Variants in ABLIM3 observed in about 807,000 individuals in gnomAD.
The protein encoded by ABLIM3 is actin binding LIM protein family member 3.
A neutral mutation model predicts 109.5 loss-of-function variants in ABLIM3; 61 were observed. The ratio of observed to expected loss-of-function variants is 0.56; its 90% CI spans 0.45 to 0.69. The LOEUF (loss-of-function observed/expected upper bound fraction) is 0.69. Among genes scored for constraint, ABLIM3 ranks in the 30% least tolerant of loss-of-function variants. The pLI is 0.00. For missense variants in ABLIM3, 796 were observed against 889.5 expected (o/e 0.89, Z 1.34); for synonymous variants, 300 against 324.8 (o/e 0.92, Z 0.82).
rs376621261 is a variant in ABLIM3 at position 149,237,646 on chromosome 5, G to A, written c.1044+43G>A. 4.3e-5 allele frequency: 69 copies of A among 1,609,882 alleles called. 1 individual carries two copies. The East Asian group carries it at 4.7e-4, about 11-fold the overall frequency. Reference sequence around the variant, plus strand: ...TCTCTCTGGGGCTATTGTAGGAAAGGAGATTGCTCTGGGGTCCCCAGCCCT... The same window carrying A: ...TCTCTCTGGGGCTATTGTAGGAAAGAAGATTGCTCTGGGGTCCCCAGCCCT... On this transcript the variant is annotated intron_variant, in intron 11 of 23. Transcript: ENST00000309868.
rs7704741 is a variant in ABLIM3 at position 149,151,151 on chromosome 5, C to T, written c.13+9043C>T. Among the ~76,000 whole-genome samples, 1,225 of 152,270 alleles carry T rather than the reference C, an allele frequency of 8.0e-3. 89 individuals carry two copies. The East Asian group carries it at 0.15, about 19-fold the overall frequency. ...TTAGCAGGGTTCCTTCTGAAAGCTG[C>T]GAGACAAATGTCTACTCGAGGCCTC... is the stretch of plus-strand genomic sequence containing the variant. On this transcript the variant is annotated intron_variant, in intron 2 of 23. Coordinates refer to ENST00000309868, the MANE Select transcript of ABLIM3 (RefSeq NM_014945.5).
intron 8 of ABLIM3, among the ~76,000 whole-genome samples, chr5:149,226,796 C>A (rs1761329317): frequency 6.6e-6 from 1 of 152,134 alleles, no homozygotes. Context: ...ATTGGCCGGG[C>A]ATGGTGGCTC....
chr5:149,181,010 G>C (rs917226180), intron 2 of ABLIM3, among the ~76,000 whole-genome samples: 1 of 152,204 alleles, frequency 6.6e-6, no homozygotes, highest in Non-Finnish European at 1.5e-5. Flanking sequence ...ATTAGAGGAG[G>C]TAGATGAAAG....
intron 2 of ABLIM3, among the ~76,000 whole-genome samples, chr5:149,182,233 G>A (rs1315494817): frequency 6.6e-6 from 1 of 152,176 alleles, no homozygotes; most frequent in Non-Finnish European, 1.5e-5. Context: ...AGTTTATCCA[G>A]GAAGTCTACA....
chr5:149,242,461 C>G (rs1361739240), intron 14 of ABLIM3, 30 bp from the exon 15 acceptor site: 1 of 1,611,492 alleles, frequency 6.2e-7, no homozygotes, highest in Non-Finnish European at 8.5e-7. Context: ...CTCTCCCCTC[C>G]CCACTGTCCC....
intron 6 of ABLIM3, among the ~76,000 whole-genome samples, chr5:149,207,733 C>T (rs928586418): frequency 3.3e-5 from 5 of 152,124 alleles, no homozygotes; most frequent in African/African-American, 1.2e-4. Flanking sequence ...ACTGCTATAT[C>T]CCCTGCCCTG....
intron 10 of ABLIM3, 76 bp downstream of exon 10, chr5:149,233,376 G>A (rs1334560436): frequency 6.8e-6 from 10 of 1,468,920 alleles, no homozygotes; most frequent in African/African-American, 2.8e-5. Flanking sequence ...TAAGGATAAG[G>A]GAGCTCTCAA....
intron 23 of ABLIM3, among the ~76,000 whole-genome samples, chr5:149,253,374 A>G (rs1754125463): frequency 6.6e-6 from 1 of 152,198 alleles, no homozygotes; most frequent in African/African-American, 2.4e-5. Flanking sequence ...CTAGGTTGGC[A>G]GCTTTAACCA....
At chr5:149,179,398 G>A (rs944251155) in intron 2 of ABLIM3, among the ~76,000 whole-genome samples, 3 of 152,106 alleles carry the variant, frequency 2.0e-5, no homozygotes, top group Admixed American at 1.3e-4. Context: ...GATTAGGTTT[G>A]TTCAGTCTTT....
chr5:149,251,436 A>C lies in ABLIM3; in HGVS notation c.1849+17A>C. On this transcript the variant is annotated intron_variant, in intron 21 of 23. Transcript: ENST00000309868. Reference sequence around the variant, plus strand: ...GCATGCGAGGTGAGTGCAGGCCTGCAGGGGGTCTGCAGGGAGAGTGCCTCC... The same window carrying C: ...GCATGCGAGGTGAGTGCAGGCCTGCCGGGGGTCTGCAGGGAGAGTGCCTCC... 1.9e-6 allele frequency: 3 copies of C among 1,613,092 alleles called. No individual in the cohort carries two copies. Among genetic ancestry groups the C allele is most frequent in the Non-Finnish European group, 2.5e-6 (3 of 1,179,526 alleles).
chr5:149,157,624 G>T (rs1420853372), intron 2 of ABLIM3, among the ~76,000 whole-genome samples: 1 of 149,838 alleles, frequency 6.7e-6, no homozygotes, highest in African/African-American at 2.5e-5. Flanking sequence ...CCCAAGACAG[G>T]CCAATCAGAG....
intron 7 of ABLIM3, among the ~76,000 whole-genome samples, chr5:149,211,919 A>G (rs1759596133): frequency 1.3e-5 from 2 of 151,448 alleles, no homozygotes; most frequent in Non-Finnish European, 2.9e-5. Context: ...ACAAGCACTC[A>G]TGGTAACCAC....
chr5:149,218,751 A>G (rs1029612139), intron 8 of ABLIM3: 1 of 152,098 alleles, frequency 6.6e-6, no homozygotes, highest in African/African-American at 2.4e-5. Context: ...GGCACCCAGG[A>G]TTTCCCCAAC....
chr5:149,167,320 T>A (rs1052132833), intron 2 of ABLIM3, among the ~76,000 whole-genome samples: 4 of 152,182 alleles, frequency 2.6e-5, no homozygotes, highest in Admixed American at 2.0e-4. Flanking sequence ...ATTTTTGTTT[T>A]TAAAAAATAT....
At chr5:149,251,147 C>G (rs1753884898) in intron 20 of ABLIM3, among the ~76,000 whole-genome samples, 1 of 152,128 alleles carries the variant, frequency 6.6e-6, no homozygotes, top group Non-Finnish European at 1.5e-5. Context: ...TGAAATTCAC[C>G]AAATAAATGG....
At chr5:149,246,441 G>T in intron 16 of ABLIM3, 41 bp from the exon 17 acceptor site, 1 of 1,600,558 alleles carries the variant, frequency 6.2e-7, no homozygotes, top group African/African-American at 1.3e-5. Flanking sequence ...AGGCTGAGTG[G>T]GGTGCACATG....
At chr5:149,221,403 G>A (rs1369621047) in intron 8 of ABLIM3, among the ~76,000 whole-genome samples, 2 of 152,158 alleles carry the variant, frequency 1.3e-5, no homozygotes, top group Non-Finnish European at 2.9e-5. Flanking sequence ...GTCAGTTCTG[G>A]AGCTGGACAC....
At chr5:149,169,049 G>C (rs1266371648) in intron 2 of ABLIM3, among the ~76,000 whole-genome samples, 1 of 152,094 alleles carries the variant, frequency 6.6e-6, no homozygotes, top group Non-Finnish European at 1.5e-5. Context: ...GAAGGAATCT[G>C]TTCCAGTTCC....
chr5:149,169,834 G>T (rs1755204617), intron 2 of ABLIM3, among the ~76,000 whole-genome samples: 1 of 152,208 alleles, frequency 6.6e-6, no homozygotes, highest in Non-Finnish European at 1.5e-5. Context: ...TACAGGAGGT[G>T]TATCAGCATG....
Sources: allele counts gnomAD v4.1 joint callset (sites outside exome capture counted in the v4.1 genomes callset), GRCh38; gene constraint gnomAD v4.1.1; transcripts MANE v1.5; gene names NCBI Gene and HGNC (gene_info 2026-07-23, HGNC 2026-07-21).